Variants in UBXN7 observed in about 807,000 individuals in gnomAD.
UBXN7 encodes UBX domain-containing protein 7.
UBXN7 carries 9 observed loss-of-function variants against 58.0 expected under a neutral mutation model. That is an observed-to-expected ratio of 0.16 (90% CI 0.09 to 0.27). The LOEUF is 0.27. UBXN7 is among the 10% of genes least tolerant of loss of function. UBXN7 has a pLI of 1.00. For missense variants in UBXN7, 328 were observed against 599.6 expected, an observed-to-expected ratio of 0.55 and a Z score of 4.73; for synonymous variants, 208 against 205.0, an observed-to-expected ratio of 1.01 and a Z score of -0.12.
chr3:196,372,326 C>CTCTCTCTCTCTCTCTCTCT (rs1438586078), intron 5 of UBXN7, among the ~76,000 whole-genome samples: 2 of 143,234 alleles, frequency 1.4e-5, no homozygotes, highest in Non-Finnish European at 3.1e-5. Context: ...CTCTCTCTCT[C>CTCTCTCTCTCTCTCTCTCT]CTTTCTTTCT....
chr3:196,396,386 C>A lies in UBXN7; in HGVS notation c.290-2767G>T, dbSNP rs558474476. 5.9e-5 allele frequency among the ~76,000 whole-genome samples: 8 copies of A among 135,546 alleles called. No individual in the cohort carries two copies. The South Asian group carries it at 2.0e-3, about 34-fold the overall frequency. 88.9% of individuals were successfully genotyped at this position (135,546 alleles called of 152,430 possible). ...GTACAGTCTGTGCAACATACTGACA[C>A]CCTGTCTCTTAAAAAAAAAAAAAAA... On this transcript the variant is annotated intron_variant, in intron 3 of 10. Transcript: ENST00000296328.
intron 1 of UBXN7, among the ~76,000 whole-genome samples, chr3:196,419,091 C>T (rs1412928309): frequency 1.3e-5 from 2 of 152,044 alleles, no homozygotes; most frequent in Non-Finnish European, 2.9e-5. Flanking sequence ...CATGGTGAAA[C>T]CCCATCTCTA....
chr3:196,392,450 A>C (rs1729616837), intron 4 of UBXN7, among the ~76,000 whole-genome samples: 1 of 151,734 alleles, frequency 6.6e-6, no homozygotes, highest in Non-Finnish European at 1.5e-5. Context: ...GGTTGCAGTG[A>C]GCAGAGATCG....
At position 196,350,611 on chromosome 3, in the gene UBXN7, A is replaced by T. The variant is rs1009800493; in HGVS notation, c.*6074T>A. ...TAAGGGTCTGTCACTTCACAGGACA[A>T]CTAGCAAGGCCATTATAATCTCTAT... On this transcript the variant is annotated 3_prime_UTR_variant, in exon 11 of 11. Transcript: ENST00000296328. 7 of 48,094 alleles carry T rather than the reference A, an allele frequency of 1.5e-4. No individual in the cohort carries two copies. The highest frequency in any genetic ancestry group is 4.6e-4 in the African/African-American group (7 of 15,136). The allele number at this position is 48,094 out of a possible 1,614,324, so 3.0% of individuals were successfully genotyped here.
chr3:196,356,766 T>C lies in UBXN7; in HGVS notation c.1389A>G (p.Leu463=). ...ATGTAATATCATAGTCCAGATGAGATAATTTCCTTCGAGGAAAGTTGGTGA... is the reference window on the plus strand; with the variant it reads ...ATGTAATATCATAGTCCAGATGAGACAATTTCCTTCGAGGAAAGTTGGTGA... ...ELLTNFPRRK[L]SHLDYDITLQ... The change falls in exon 11 of 11, where the codon TTA becomes TTG. Residue 463 remains leucine (L), a synonymous_variant. Transcript: ENST00000296328. The C allele has an allele frequency of 1.2e-6, 2 of 1,614,044 alleles. No individual in the cohort carries two copies. The highest frequency in any genetic ancestry group is 1.3e-5 in the African/African-American group (1 of 75,068).
intron 1 of UBXN7, among the ~76,000 whole-genome samples, chr3:196,414,455 A>T (rs1730420809): frequency 6.6e-6 from 1 of 152,092 alleles, no homozygotes; most frequent in Admixed American, 6.6e-5. Flanking sequence ...AATCCATCTC[A>T]AGCTGCATAC....
At chr3:196,356,944 G>C in intron 10 of UBXN7, 98 bp from the exon 11 acceptor site, 2 of 1,408,218 alleles carry the variant, frequency 1.4e-6, no homozygotes, top group Non-Finnish European at 1.9e-6. Context: ...AATCATATTA[G>C]ATCAGCTATT....
At chr3:196,401,456 G>A (rs984567149) in intron 3 of UBXN7, among the ~76,000 whole-genome samples, 8 of 150,192 alleles carry the variant, frequency 5.3e-5, no homozygotes, top group East Asian at 1.9e-4. Flanking sequence ...TTGTTACAAC[G>A]TATATTTCCT....
chr3:196,402,702 C>T lies in UBXN7; in HGVS notation c.289+250G>A, dbSNP rs186422112. Among the ~76,000 whole-genome samples, 310 of 152,292 alleles carry T rather than the reference C, an allele frequency of 2.0e-3. 1 individual carries two copies. Among genetic ancestry groups the T allele is most frequent in the Middle Eastern group, 0.01 (3 of 294 alleles). On this transcript the variant is annotated intron_variant, in intron 3 of 10. Coordinates refer to ENST00000296328, the MANE Select transcript of UBXN7 (RefSeq NM_015562.2). ...AATCAGAATCTTTTCATTATTCATTCCCATTACAAGGCAGTAATTCTTTTT... is the reference window on the plus strand; with the variant it reads ...AATCAGAATCTTTTCATTATTCATTTCCATTACAAGGCAGTAATTCTTTTT...
intron 1 of UBXN7, among the ~76,000 whole-genome samples, chr3:196,412,974 A>G (rs1182483435): frequency 6.6e-6 from 1 of 152,136 alleles, no homozygotes; most frequent in African/African-American, 2.4e-5. Context: ...CAAAACAAAG[A>G]GTTATAGAGA....
At chr3:196,431,979 G>A in intron 1 of UBXN7, 1 of 472,654 alleles carries the variant, frequency 2.1e-6, no homozygotes, top group South Asian at 2.0e-5. Flanking sequence ...AGGAGGAGGA[G>A]GAGGGCGGTG....
intron 1 of UBXN7, among the ~76,000 whole-genome samples, chr3:196,424,014 C>T (rs1177196552): frequency 2.6e-5 from 4 of 151,498 alleles, no homozygotes; most frequent in African/African-American, 9.7e-5. Context: ...CTCAGCCTCC[C>T]GAGTAGCTGG....
At chr3:196,429,326 C>CAAA (rs528881094) in intron 1 of UBXN7, among the ~76,000 whole-genome samples, 1 of 98,580 alleles carries the variant, frequency 1.0e-5, no homozygotes, top group Non-Finnish European at 2.2e-5. Context: ...GACTCCGTCT[C>CAAA]AAAAAAAAAA....
chr3:196,414,661 G>C (rs991036526), intron 1 of UBXN7: 5 of 152,140 alleles, frequency 3.3e-5, no homozygotes, highest in African/African-American at 1.2e-4. Context: ...GTTACGTTCT[G>C]AACATTTCCT....
chr3:196,396,993 C>T (rs1280578153), intron 3 of UBXN7, among the ~76,000 whole-genome samples: 4 of 152,112 alleles, frequency 2.6e-5, no homozygotes, highest in Non-Finnish European at 5.9e-5. Context: ...CTACCCAATT[C>T]CTTTTACTTC....
At chr3:196,432,113 G>C in intron 1 of UBXN7, 1 of 693,916 alleles carries the variant, frequency 1.4e-6, no homozygotes, top group South Asian at 1.6e-5. Context: ...ACGCTACTAG[G>C]AGACAGAGAA....
chr3:196,397,518 G>T (rs961322210), intron 3 of UBXN7: 4 of 152,376 alleles, frequency 2.6e-5, no homozygotes, highest in Non-Finnish European at 5.9e-5. Context: ...AAAGATGGGG[G>T]TCTCACTATG....
intron 5 of UBXN7, among the ~76,000 whole-genome samples, chr3:196,372,813 TC>T (rs1159980726): frequency 6.6e-6 from 1 of 152,106 alleles, no homozygotes. Context: ...TGGCACGATC[TC>T]GGCTCACTAC....
At chr3:196,390,378 G>C (rs1385707549) in intron 5 of UBXN7, among the ~76,000 whole-genome samples, 1 of 152,074 alleles carries the variant, frequency 6.6e-6, no homozygotes, top group Non-Finnish European at 1.5e-5. Flanking sequence ...AGTTAGTTTG[G>C]GGCACCTGTT....
Sources: allele counts gnomAD v4.1 joint callset (sites outside exome capture counted in the v4.1 genomes callset), GRCh38; gene constraint gnomAD v4.1.1; transcripts MANE v1.5; gene names NCBI Gene and HGNC (gene_info 2026-07-23, HGNC 2026-07-21).